GLI3: variants seen among roughly 807,000 people sequenced by gnomAD.
GLI3 encodes GLI family zinc finger 3, also known as transcription activator GLI3.
Under a neutral mutation model 100.8 loss-of-function variants are expected in GLI3, and 20 were observed. The observed-to-expected ratio is 0.20, with a 90% CI of 0.14 to 0.29. The LOEUF (loss-of-function observed/expected upper bound fraction) is 0.29, where lower values mean the gene tolerates loss of function less well. GLI3 is among the 10% of genes least tolerant of loss of function. GLI3 has a pLI of 1.00. For missense variants in GLI3, 2,040 were observed against 2,128.5 expected (o/e 0.96, Z 0.82); for synonymous variants, 938 against 860.5 (o/e 1.09, Z -1.58).
chr7:42,053,056 G>A (rs1350931665), intron 4 of GLI3, among the ~76,000 whole-genome samples: 2 of 152,128 alleles, frequency 1.3e-5, no homozygotes, highest in African/African-American at 4.8e-5. Context: ...GTGCAGTGGC[G>A]CAATCTCGGC....
At chr7:42,156,908 A>T (rs977415285) in intron 2 of GLI3, among the ~76,000 whole-genome samples, 2 of 152,224 alleles carry the variant, frequency 1.3e-5, no homozygotes, top group Non-Finnish European at 2.9e-5. Context: ...AATGGGCTGC[A>T]TCTGGTGTGT....
chr7:42,187,515 T>A (rs1021423926), intron 2 of GLI3, among the ~76,000 whole-genome samples: 1 of 152,134 alleles, frequency 6.6e-6, no homozygotes, highest in Non-Finnish European at 1.5e-5. Context: ...CATTATTTTT[T>A]AAAGCTGAGT....
intron 10 of GLI3, among the ~76,000 whole-genome samples, chr7:42,011,246 G>T (rs916385546): frequency 4.6e-5 from 7 of 152,190 alleles, no homozygotes; most frequent in African/African-American, 1.4e-4. Flanking sequence ...GGGAGCTTAG[G>T]CAGCACTCAG....
rs548525719 is a variant in GLI3 at position 41,992,513 on chromosome 7, C to G, written c.1498-13765G>C. On this transcript the variant is annotated intron_variant, in intron 10 of 14. Transcript: ENST00000395925. Reference sequence around the variant, plus strand: ...CAGGAATGTGGGCCCCTTCCCTACCCCATGTTATCTTTGGTAAACTAAAAA... The same window carrying G: ...CAGGAATGTGGGCCCCTTCCCTACCGCATGTTATCTTTGGTAAACTAAAAA... Among the ~76,000 whole-genome samples, 249 of 152,206 alleles carry G rather than the reference C, an allele frequency of 1.6e-3. 1 individual carries two copies. Among genetic ancestry groups the G allele is most frequent in the African/African-American group, 5.7e-3 (236 of 41,502 alleles).
chr7:42,139,685 A>T (rs528794150), intron 3 of GLI3, among the ~76,000 whole-genome samples: 183 of 152,270 alleles, frequency 1.2e-3, no homozygotes, highest in African/African-American at 4.0e-3. Flanking sequence ...ATCTCAAAAA[A>T]ATATATATAT....
chr7:42,246,166 C>T (rs922042336), intron 1 of GLI3, among the ~76,000 whole-genome samples: 1 of 152,226 alleles, frequency 6.6e-6, no homozygotes, highest in Admixed American at 6.5e-5. Context: ...TGCAGTTGTG[C>T]ATTCAAACAC....
intron 4 of GLI3, among the ~76,000 whole-genome samples, chr7:42,071,681 A>G (rs1222735291): frequency 1.3e-5 from 2 of 152,196 alleles, no homozygotes; most frequent in Non-Finnish European, 2.9e-5. Flanking sequence ...CCATAATGAT[A>G]TACCTTTTCT....
chr7:42,231,203 A>G (rs933558038), intron 1 of GLI3, among the ~76,000 whole-genome samples: 9 of 152,224 alleles, frequency 5.9e-5, no homozygotes, highest in African/African-American at 1.4e-4. Flanking sequence ...ATATTAGACC[A>G]ATAACCTGTT....
chr7:42,207,290 G>C (rs1344801685), intron 2 of GLI3, among the ~76,000 whole-genome samples: 1 of 152,188 alleles, frequency 6.6e-6, no homozygotes, highest in East Asian at 1.9e-4. Context: ...GATCAACAGA[G>C]CGTTTCTTTC....
intron 3 of GLI3, among the ~76,000 whole-genome samples, chr7:42,128,034 A>C (rs1403725815): frequency 6.7e-6 from 1 of 150,196 alleles, no homozygotes; most frequent in Non-Finnish European, 1.5e-5. Flanking sequence ...AAAAAAAAAG[A>C]AAAAGAAAAA....
intron 3 of GLI3, among the ~76,000 whole-genome samples, chr7:42,092,178 G>A (rs1785235506): frequency 6.6e-6 from 1 of 152,238 alleles, no homozygotes; most frequent in Admixed American, 6.5e-5. Context: ...ACCCGTGCAG[G>A]AGAAGGCAGA....
intron 3 of GLI3, among the ~76,000 whole-genome samples, chr7:42,091,843 G>C (rs942346238): frequency 2.0e-5 from 3 of 152,234 alleles, no homozygotes; most frequent in Non-Finnish European, 4.4e-5. Context: ...CCACAAAGCA[G>C]ATATGCATGG....
intron 6 of GLI3, among the ~76,000 whole-genome samples, chr7:42,043,471 A>T (rs1784183975): frequency 2.6e-5 from 4 of 152,346 alleles, no homozygotes; most frequent in Admixed American, 2.6e-4. Flanking sequence ...CCAGTTCTTC[A>T]CTGATCATAC....
chr7:41,981,201 C>T (rs1202832688), intron 10 of GLI3, among the ~76,000 whole-genome samples: 2 of 152,224 alleles, frequency 1.3e-5, no homozygotes, highest in African/African-American at 4.8e-5. Context: ...CAGGAGAGAA[C>T]TGGCCAGGGA....
At chr7:41,993,731 T>G (rs1788049213) in intron 10 of GLI3, among the ~76,000 whole-genome samples, 1 of 152,184 alleles carries the variant, frequency 6.6e-6, no homozygotes, top group Non-Finnish European at 1.5e-5. Context: ...GGAGCCAATG[T>G]GGTCCCAGGC....
chr7:42,009,632 G>A (rs970983096), intron 10 of GLI3, among the ~76,000 whole-genome samples: 5 of 152,056 alleles, frequency 3.3e-5, no homozygotes, highest in South Asian at 2.1e-4. Context: ...AGCTGGGCAC[G>A]CATGCTTCCT....
intron 4 of GLI3, among the ~76,000 whole-genome samples, chr7:42,053,709 C>G (rs1248696269): frequency 6.6e-6 from 1 of 152,194 alleles, no homozygotes. Flanking sequence ...GTCTGTGGCT[C>G]AGTCATTGGA....
At chr7:42,128,965 T>C (rs1786203213) in intron 3 of GLI3, among the ~76,000 whole-genome samples, 1 of 152,224 alleles carries the variant, frequency 6.6e-6, no homozygotes, top group Non-Finnish European at 1.5e-5. Flanking sequence ...TATTGCAGTC[T>C]AGCAGAAATG....
At chr7:42,170,958 AT>A (rs1319100327) in intron 2 of GLI3, among the ~76,000 whole-genome samples, 1 of 152,146 alleles carries the variant, frequency 6.6e-6, no homozygotes, top group Non-Finnish European at 1.5e-5. Flanking sequence ...CAACAATCTG[AT>A]TGACTCAGCA....
Sources: allele counts gnomAD v4.1 joint callset (sites outside exome capture counted in the v4.1 genomes callset), GRCh38; gene constraint gnomAD v4.1.1; transcripts MANE v1.5; gene names NCBI Gene and HGNC (gene_info 2026-07-23, HGNC 2026-07-21).